Variants in ITGB3 observed in about 807,000 individuals in gnomAD.
ITGB3 encodes the protein integrin beta-3.
In ITGB3, 48 loss-of-function variants were observed where a neutral mutation model predicts 85.8. That is an observed-to-expected ratio of 0.56 (90% CI 0.44 to 0.71). The LOEUF is 0.71. ITGB3 is among the 30% of genes least tolerant of loss of function. ITGB3 has a pLI of 0.00. For missense variants in ITGB3, 861 were observed against 1,019.1 expected (o/e 0.84, Z 2.11); for synonymous variants, 363 against 395.6 (o/e 0.92, Z 0.98).
In ITGB3 at chr17:47,284,689, G is replaced by A. The variant is rs749710272; in HGVS notation, c.608G>A (p.Cys203Tyr). Residue 203 changes from cysteine to tyrosine, a missense_variant, in exon 4 of 15, where the codon TGC (cysteine) becomes TAC (tyrosine). Transcript: ENST00000559488. ...CCACCAGAGGCCCTCGAAAACCCCT[G>A]CTATGAGTAAGTCCCTCCTCCAGAC... ...ISPPEALENP[C>Y]YDMKTTCLPM... 2 of 1,614,116 alleles carry A rather than the reference G, an allele frequency of 1.2e-6. No individual in the cohort carries two copies. The highest frequency in any genetic ancestry group is 2.2e-5 in the South Asian group (2 of 91,074).
chr17:47,277,128 C>A (rs945828382), intron 2 of ITGB3, among the ~76,000 whole-genome samples: 1 of 152,068 alleles, frequency 6.6e-6, no homozygotes, highest in African/African-American at 2.4e-5. Flanking sequence ...GATACCGACG[C>A]GGGTTGGGTT....
At position 47,290,822 on chromosome 17, in the gene ITGB3, C is replaced by T. The variant is rs963444329; in HGVS notation, c.1126-132C>T. 3.8e-6 allele frequency: 4 copies of T among 1,040,008 alleles called. No homozygotes were observed. In the African/African-American group the frequency reaches 4.7e-5, roughly 12 times the overall value. The allele number at this position is 1,040,008 out of a possible 1,614,324, so 64.4% of individuals were successfully genotyped here. A position where few individuals can be genotyped will look rare whatever the true frequency, so the allele number is the denominator to read the frequency against. On this transcript the variant is annotated intron_variant, in intron 8 of 14. Coordinates refer to ENST00000559488, the MANE Select transcript of ITGB3 (RefSeq NM_000212.3). The stretch of plus-strand genomic sequence containing the variant: ...GTGCTCCGGCAGCTTCCAGGTCAAA[C>T]CTTGGCCTCTGGCACTGCTGGGGTG...
Position 47,299,522 on chromosome 17 carries a change from CT to C in ITGB3, c.1908del (p.Phe636LeufsTer33). ...KCPTCPDACT[F>X]KKECVECKKF... ...GCCCCACCTGCCCAGATGCCTGCAC[CT>C]TTAAGAAGTGAGTGTGGAGTCTGGA... On this transcript the variant is annotated frameshift_variant, in exon 11 of 15. Transcript: ENST00000559488. LOFTEE classifies it high-confidence loss of function. The surrounding 1 kb of genome is among the most constrained non-coding windows in gnomAD (Gnocchi z 5.1). The C allele has an allele frequency of 3.1e-6, 5 of 1,614,048 alleles. No homozygotes were observed. Among genetic ancestry groups the C allele is most frequent in the Non-Finnish European group, 4.2e-6 (5 of 1,179,898 alleles).
intron 1 of ITGB3, among the ~76,000 whole-genome samples, chr17:47,266,584 A>G (rs1269071939): frequency 1.3e-5 from 2 of 152,150 alleles, no homozygotes; most frequent in Admixed American, 6.5e-5. Context: ...GTTATTTTCA[A>G]AAAACTTTTT....
chr17:47,300,506 C>T lies in ITGB3; in HGVS notation c.1942C>T (p.Arg648Trp), dbSNP rs139166528. 1.3e-5 allele frequency: 21 copies of T among 1,613,870 alleles called. No individual in the cohort carries two copies. The highest frequency in any genetic ancestry group is 5.3e-5 in the African/African-American group (4 of 74,900). The part of the protein sequence containing the change: ...KECVECKKFD[R>W]GALHDENTCN... ...ATGTGTGGAGTGTAAGAAGTTTGAC[C>T]GGGGAGCCCTACATGACGAAAATAC... Residue 648 changes from arginine (R) to tryptophan (W), a missense_variant, in exon 12 of 15, where the codon CGG becomes TGG. Coordinates refer to ENST00000559488, the MANE Select transcript of ITGB3 (RefSeq NM_000212.3).
intron 1 of ITGB3, among the ~76,000 whole-genome samples, chr17:47,268,757 C>A (rs947048645): frequency 1.3e-5 from 2 of 152,170 alleles, no homozygotes; most frequent in Non-Finnish European, 2.9e-5. Context: ...ATGGATCTAC[C>A]ATTCTGGGGT....
At chr17:47,300,417 A>G (rs2065162863) in intron 11 of ITGB3, 61 bp from the exon 12 acceptor site, 1 of 1,176,972 alleles carries the variant, frequency 8.5e-7, no homozygotes, top group Non-Finnish European at 1.3e-6. Flanking sequence ...TCAGAGCTGG[A>G]CTGGGATACG....
At chr17:47,288,452 G>T (rs2065112667) in intron 6 of ITGB3, among the ~76,000 whole-genome samples, 1 of 152,210 alleles carries the variant, frequency 6.6e-6, no homozygotes, top group Non-Finnish European at 1.5e-5. Flanking sequence ...TAAGCCATAA[G>T]AGAAATGTGC....
In ITGB3 at chr17:47,313,507, C is replaced by A. The variant is rs9894860; in HGVS notation, c.*3303C>A. The stretch of plus-strand genomic sequence containing the variant: ...GATTACAGGCACCTGCCACCACGCC[C>A]GGCTAATTTCTTTTTGTATTTTTAG... On this transcript the variant is annotated 3_prime_UTR_variant, in exon 15 of 15. Transcript: ENST00000559488. 0.64 allele frequency among the ~76,000 whole-genome samples: 96,957 copies of A among 151,268 alleles called. 31,310 individuals are homozygous for A. The highest frequency in any genetic ancestry group is 0.7 in the Middle Eastern group (206 of 294).
chr17:47,256,940 C>T (rs539805111), intron 1 of ITGB3, among the ~76,000 whole-genome samples: 4 of 152,258 alleles, frequency 2.6e-5, no homozygotes, highest in Non-Finnish European at 5.9e-5. Flanking sequence ...AAAGGGAGGG[C>T]TATGGTTTAA....
chr17:47,308,546 C>CA (rs1455969317), intron 14 of ITGB3, among the ~76,000 whole-genome samples: 1 of 152,128 alleles, frequency 6.6e-6, no homozygotes, highest in Non-Finnish European at 1.5e-5. Context: ...CTTGCTCTGT[C>CA]ACCCAGGCTT....
At position 47,311,865 on chromosome 17, in the gene ITGB3, T is replaced by A. The variant is rs2065216395; in HGVS notation, c.*1661T>A. On this transcript the variant is annotated 3_prime_UTR_variant, in exon 15 of 15. Transcript: ENST00000559488. ...AGTGTTACAGCTAAATAATCTTTAA[T>A]TAAGGCAAGTCACTTTCTTCTTCTT... 6.6e-6 allele frequency: 1 copy of A among 152,240 alleles called. No individual in the cohort carries two copies. Among genetic ancestry groups the A allele is most frequent in the Non-Finnish European group, 1.5e-5 (1 of 68,042 alleles). 9.4% of individuals were successfully genotyped at this position (152,240 alleles called of 1,614,324 possible).
intron 1 of ITGB3, among the ~76,000 whole-genome samples, chr17:47,254,849 T>G (rs879725563): frequency 6.6e-6 from 1 of 152,254 alleles, no homozygotes; most frequent in Non-Finnish European, 1.5e-5. Context: ...GCTCCTGGTC[T>G]GCTGGGGCCG....
chr17:47,271,230 T>C (rs2065043234), intron 1 of ITGB3, among the ~76,000 whole-genome samples: 1 of 152,228 alleles, frequency 6.6e-6, no homozygotes, highest in Non-Finnish European at 1.5e-5. Context: ...GTGACTCGAT[T>C]AGGATGACAG....
rs1261574091 is a variant in ITGB3 at position 47,284,436 on chromosome 17, C to T, written c.362-7C>T. The T allele has an allele frequency of 6.2e-7, 1 of 1,614,100 alleles. No individual in the cohort carries two copies. Among genetic ancestry groups the T allele is most frequent in the South Asian group, 1.1e-5 (1 of 91,068 alleles). ...AAGATAAAAACTAACATCTTTCTGC[C>T]TTCCAGATGATTCGAAGAATTTCTC... On this transcript the variant is annotated splice_region_variant and splice_polypyrimidine_tract_variant and intron_variant, in intron 3 of 14. Transcript: ENST00000559488.
At chr17:47,283,570 G>C in intron 3 of ITGB3, 21 bp downstream of exon 3, 2 of 1,612,746 alleles carry the variant, frequency 1.2e-6, no homozygotes, top group Non-Finnish European at 1.7e-6. Context: ...GACTCTTTGC[G>C]GGGAGAGACC....
At chr17:47,266,064 A>C (rs1029166557) in intron 1 of ITGB3, among the ~76,000 whole-genome samples, 5 of 152,218 alleles carry the variant, frequency 3.3e-5, no homozygotes, top group Non-Finnish European at 5.9e-5. Flanking sequence ...ACTTGTGCCT[A>C]TGTAGGACAG....
At chr17:47,300,938 A>G (rs2065165103) in intron 12 of ITGB3, among the ~76,000 whole-genome samples, 1 of 152,232 alleles carries the variant, frequency 6.6e-6, no homozygotes, top group Non-Finnish European at 1.5e-5. Context: ...TGTGATAGTC[A>G]TCATCTTAGC....
chr17:47,265,224 T>A (rs1830448534), intron 1 of ITGB3, among the ~76,000 whole-genome samples: 1 of 152,226 alleles, frequency 6.6e-6, no homozygotes, highest in African/African-American at 2.4e-5. Context: ...TGCAAAGTAT[T>A]TCACGGCAGT....
Sources: allele counts gnomAD v4.1 joint callset (sites outside exome capture counted in the v4.1 genomes callset), GRCh38; gene constraint gnomAD v4.1.1; non-coding constraint Gnocchi (gnomAD v3.1); transcripts MANE v1.5; gene names NCBI Gene and HGNC (gene_info 2026-07-23, HGNC 2026-07-21).